Variants in PGAP4 observed in about 807,000 individuals in gnomAD.
PGAP4 encodes the protein GPI-N-acetylgalactosamine transferase PGAP4.
PGAP4 carries 12 observed loss-of-function variants against 28.2 expected under a neutral mutation model. That is an observed-to-expected ratio of 0.42 (90% CI 0.27 to 0.69). The LOEUF (loss-of-function observed/expected upper bound fraction) is 0.69, where lower values mean the gene tolerates loss of function less well. Among genes scored for constraint, PGAP4 ranks in the 30% least tolerant of loss-of-function variants. The pLI is 0.22. For synonymous variants in PGAP4, 205 were observed against 211.8 expected (o/e 0.97, Z 0.28); for missense variants, 425 against 513.5 (o/e 0.83, Z 1.67).
intron 2 of PGAP4, among the ~76,000 whole-genome samples, chr9:101,505,668 C>G (rs555428821): frequency 6.6e-6 from 1 of 152,168 alleles, no homozygotes; most frequent in South Asian, 2.1e-4. Flanking sequence ...AAAATGAGGG[C>G]TAGAGTTAAA....
At position 101,474,252 on chromosome 9, in the gene PGAP4, G is replaced by C. The variant is rs1330758691; in HGVS notation, c.*1629C>G. ...ATTTGTTCATCTGTAGAGCGTGGGTGATCAACCTTTATGTAATCCTTCTGT... is the reference window on the plus strand; with the variant it reads ...ATTTGTTCATCTGTAGAGCGTGGGTCATCAACCTTTATGTAATCCTTCTGT... On this transcript the variant is annotated 3_prime_UTR_variant, in exon 2 of 2. Transcript: ENST00000374848. The C allele has an allele frequency of 6.6e-6, 1 of 152,204 alleles. No homozygotes were observed. The highest frequency in any genetic ancestry group is 2.4e-5 in the African/African-American group (1 of 41,456). 9.4% of individuals were successfully genotyped at this position (152,204 alleles called of 1,614,324 possible).
intron 2 of PGAP4, among the ~76,000 whole-genome samples, chr9:101,499,204 TA>T (rs1826776879): frequency 6.6e-6 from 1 of 151,712 alleles, no homozygotes; most frequent in Non-Finnish European, 1.5e-5. Flanking sequence ...AGATCCCAAA[TA>T]AAGTAAAAAA....
Position 101,476,828 on chromosome 9 carries a change from A to C in PGAP4, c.265T>G (p.Ser89Ala). Residue 89 changes from serine to alanine, a missense_variant, in exon 2 of 2, where the codon TCA becomes GCA. By Grantham distance (99) the Ser-to-Ala change is moderately conservative. Coordinates refer to ENST00000374848, the MANE Select transcript of PGAP4 (RefSeq NM_032342.3). The surrounding 1 kb of genome is among the most constrained non-coding windows in gnomAD (Gnocchi z 7.0). ...YFEELPSANG[S>A]VPIVWQATPR... ...GTGGCCTGCCAGACAATGGGCACTG[A>C]GCCATTGGCAGAGGGAAGCTCCTCA... 2.5e-6 allele frequency: 4 copies of C among 1,609,212 alleles called. No individual in the cohort carries two copies. Among genetic ancestry groups the C allele is most frequent in the Non-Finnish European group, 3.4e-6 (4 of 1,177,366 alleles).
At chr9:101,477,311 A>G in intron 1 of PGAP4, 142 bp from the exon 2 acceptor site, 1 of 509,736 alleles carries the variant, frequency 2.0e-6, no homozygotes, top group Non-Finnish European at 3.2e-6. Flanking sequence ...GCTTCTACAG[A>G]CTCTAAAGTA....
At position 101,512,940 on chromosome 9, in the gene PGAP4, C is replaced by T. The variant is rs1487638810; in HGVS notation, c.-165+18408G>A. On this transcript the variant is annotated intron_variant, in intron 2 of 3. Coordinates refer to the PGAP4 transcript ENST00000374851. ...CAAATTGACTCACCTTTTTAGGAAG[C>T]TGACTCTTTGACACTTTGGGAGCTG... Among the ~76,000 whole-genome samples the T allele has an allele frequency of 2.0e-5, 3 of 152,274 alleles. No individual in the cohort carries two copies. The East Asian group carries it at 5.8e-4, about 29-fold the overall frequency.
At chr9:101,506,619 A>ACGGTCTACAAAATGCC (rs1826850934) in intron 2 of PGAP4, among the ~76,000 whole-genome samples, 1 of 152,090 alleles carries the variant, frequency 6.6e-6, no homozygotes, top group Non-Finnish European at 1.5e-5. Context: ...GAGGAAGAGG[A>ACGGTCTACAAAATGCC]CGGTCTACAA....
rs770624213 is a variant in PGAP4 at position 101,476,724 on chromosome 9, G to C, written c.369C>G (p.Ser123=). 1.2e-6 allele frequency: 2 copies of C among 1,614,068 alleles called. No individual in the cohort carries two copies. The highest frequency in any genetic ancestry group is 1.3e-5 in the African/African-American group (1 of 75,020). Residue 123 remains serine, a synonymous_variant, in exon 2 of 2, where the codon TCC becomes TCG. Coordinates refer to ENST00000374848, the MANE Select transcript of PGAP4 (RefSeq NM_032342.3). This position sits in a 1 kb window ranked among gnomAD's most constrained non-coding sequence, Gnocchi z 7.0. ...ATTGCTGAAGAAGCCGGTGGAACTGGGACACAACCTGCAGGACGTAGTGGA... is the reference window on the plus strand; with the variant it reads ...ATTGCTGAAGAAGCCGGTGGAACTGCGACACAACCTGCAGGACGTAGTGGA... ...PGFHYVLQVV[S]QFHRLLQQCG... is the part of the protein sequence containing the mutation.
At chr9:101,529,040 G>A (rs960682573) in intron 2 of PGAP4, among the ~76,000 whole-genome samples, 1 of 151,602 alleles carries the variant, frequency 6.6e-6, no homozygotes, top group Non-Finnish European at 1.5e-5. Context: ...GTGAGTACGT[G>A]CGGTTGTCTG....
chr9:101,494,491 C>T (rs908019129), intron 2 of PGAP4, among the ~76,000 whole-genome samples: 2 of 151,716 alleles, frequency 1.3e-5, no homozygotes, highest in Non-Finnish European at 3.0e-5. Flanking sequence ...AAATAAAAGT[C>T]ATAAGAACAT....
At chr9:101,491,399 G>A (rs7867496), upstream of PGAP4, among the ~76,000 whole-genome samples, 42,801 of 151,872 alleles carry the variant, frequency 0.28, 6,212 homozygotes, top group East Asian at 0.36. Flanking sequence ...TTGACAGTTT[G>A]AGCACTTAAC....
In PGAP4 at chr9:101,474,660, C is replaced by T. The variant is rs1826243289; in HGVS notation, c.*1221G>A. ...GCTTGGTCATCTGGAATAGCTGGTA[C>T]ATAGGTGGCAGCTCCATGCCCTATC... On this transcript the variant is annotated 3_prime_UTR_variant, in exon 2 of 2. Transcript: ENST00000374848. 1 of 152,214 alleles carries T rather than the reference C, an allele frequency of 6.6e-6. No individual in the cohort carries two copies. Among genetic ancestry groups the T allele is most frequent in the African/African-American group, 2.4e-5 (1 of 41,440 alleles). 9.4% of individuals were successfully genotyped at this position (152,214 alleles called of 1,614,324 possible).
intron 2 of PGAP4, among the ~76,000 whole-genome samples, chr9:101,526,292 A>G (rs1009150141): frequency 3.9e-5 from 6 of 152,224 alleles, no homozygotes; most frequent in Admixed American, 3.3e-4. Flanking sequence ...AAAAAGAGAA[A>G]GGGAATAGTC....
Position 101,475,442 on chromosome 9 carries a change from C to A in PGAP4, c.*439G>T, listed in dbSNP as rs186020973. 2.2e-4 allele frequency: 41 copies of A among 187,176 alleles called. 1 individual carries two copies. In the South Asian group the frequency reaches 2.6e-3, roughly 12 times the overall value. The allele number at this position is 187,176 out of a possible 1,614,324, so 11.6% of individuals were successfully genotyped here. Reference sequence around the variant, plus strand: ...TTGGGCATATATTCTAAACATACATCCATTTTCATACCCAATGAGAAAGAA... The same window carrying A: ...TTGGGCATATATTCTAAACATACATACATTTTCATACCCAATGAGAAAGAA... On this transcript the variant is annotated 3_prime_UTR_variant, in exon 2 of 2. Coordinates refer to ENST00000374848, the MANE Select transcript of PGAP4 (RefSeq NM_032342.3).
chr9:101,507,335 T>C (rs771446048), intron 2 of PGAP4, among the ~76,000 whole-genome samples: 1 of 152,128 alleles, frequency 6.6e-6, no homozygotes, highest in Non-Finnish European at 1.5e-5. Context: ...TATCATCAGA[T>C]ACTGTTCACT....
At chr9:101,507,701 C>T (rs1023841462) in intron 2 of PGAP4, among the ~76,000 whole-genome samples, 2 of 152,090 alleles carry the variant, frequency 1.3e-5, no homozygotes, top group Non-Finnish European at 2.9e-5. Context: ...AATAACCAGA[C>T]TTTGGGAATG....
Position 101,524,584 on chromosome 9 carries a change from G to A in PGAP4, c.-165+6764C>T, listed in dbSNP as rs543380776. ...CCCCTGCTCCTCTGTCTACTCTCCCGATGGATCCCTGTGGTGCCAGCCAGG... is the reference window on the plus strand; with the variant it reads ...CCCCTGCTCCTCTGTCTACTCTCCCAATGGATCCCTGTGGTGCCAGCCAGG... On this transcript the variant is annotated intron_variant, in intron 2 of 3. Coordinates refer to the PGAP4 transcript ENST00000374851. 1.1e-4 allele frequency among the ~76,000 whole-genome samples: 16 copies of A among 152,254 alleles called. No individual in the cohort carries two copies. In the South Asian group the frequency reaches 2.7e-3, roughly 26 times the overall value.
At chr9:101,488,415 C>T (rs1124148), upstream of PGAP4, among the ~76,000 whole-genome samples, 23,243 of 152,144 alleles carry the variant, frequency 0.15, 2,352 homozygotes, top group East Asian at 0.36. Flanking sequence ...GTCATTGGCT[C>T]AGTGCTGGGG....
chr9:101,518,632 C>A (rs955121281), intron 2 of PGAP4, among the ~76,000 whole-genome samples: 2 of 152,158 alleles, frequency 1.3e-5, no homozygotes, highest in Non-Finnish European at 2.9e-5. Flanking sequence ...TAGGTCTCTG[C>A]GAATGGTGTT....
intron 2 of PGAP4, among the ~76,000 whole-genome samples, chr9:101,519,703 A>C (rs1471089548): frequency 6.8e-6 from 1 of 146,660 alleles, no homozygotes; most frequent in Non-Finnish European, 1.5e-5. Context: ...AGACACACAC[A>C]TATATATATA....
Sources: allele counts gnomAD v4.1 joint callset (sites outside exome capture counted in the v4.1 genomes callset), GRCh38; gene constraint gnomAD v4.1.1; non-coding constraint Gnocchi (gnomAD v3.1); transcripts MANE v1.5; gene names NCBI Gene and HGNC (gene_info 2026-07-23, HGNC 2026-07-21).